The following TMEM127 variants were observed in gnomAD, a reference collection of about 807,000 sequenced individuals.
TMEM127 encodes the protein transmembrane protein 127.
TMEM127 carries 21 observed loss-of-function variants against 20.1 expected under a neutral mutation model. The observed-to-expected ratio is 1.04, with a 90% CI of 0.74 to 1.50. TMEM127 has a LOEUF of 1.50. Ranked by LOEUF, TMEM127 falls within the 40% of genes most tolerant of loss-of-function variation. TMEM127 has a pLI of 0.00. For synonymous variants in TMEM127, 150 were observed against 144.7 expected (o/e 1.04, Z -0.26); for missense variants, 303 against 317.4 (o/e 0.95, Z 0.34).
In TMEM127 at chr2:96,252,340, AG is replaced by A. The variant is rs1684110902; in HGVS notation, c.*1467del. On this transcript the variant is annotated 3_prime_UTR_variant, in exon 4 of 4. Coordinates refer to ENST00000258439, the MANE Select transcript of TMEM127 (RefSeq NM_017849.4). The surrounding 1 kb of genome is among the most constrained non-coding windows in gnomAD (Gnocchi z 4.2). ...GAATCCATTTCCTTTTCAGCTCAGC[AG>A]GGGACACTGATTCCCAAGAAGCAAG... 8.6e-6 allele frequency: 2 copies of A among 233,296 alleles called. No individual in the cohort carries two copies. The allele number at this position is 233,296 out of a possible 1,614,324, so 14.5% of individuals were successfully genotyped here. A position where few individuals can be genotyped will look rare whatever the true frequency, so the allele number is the denominator to read the frequency against.
intron 3 of TMEM127, 45 bp downstream of exon 3, chr2:96,254,788 C>T (rs140817879): frequency 1.2e-6 from 2 of 1,611,668 alleles, no homozygotes; most frequent in South Asian, 1.1e-5. Flanking sequence ...GATGCCCCCA[C>T]CCTGTAGCAG....
chr2:96,263,523 C>T (rs1684353547), intron 2 of TMEM127, among the ~76,000 whole-genome samples: 1 of 152,164 alleles, frequency 6.6e-6, no homozygotes, highest in Non-Finnish European at 1.5e-5. Context: ...CCACCACGCC[C>T]GGCTCAAAAA....
chr2:96,256,269 C>CAAA (rs149704966), intron 2 of TMEM127, among the ~76,000 whole-genome samples: 1 of 92,346 alleles, frequency 1.1e-5, no homozygotes, highest in Admixed American at 1.2e-4. Flanking sequence ...GACTCTGTCT[C>CAAA]AAAAAAAAAA....
chr2:96,256,940 C>G (rs959471305), intron 2 of TMEM127, among the ~76,000 whole-genome samples: 1 of 152,268 alleles, frequency 6.6e-6, no homozygotes. Flanking sequence ...AGCTAGGAAG[C>G]CACCACATTT....
Position 96,265,586 on chromosome 2 carries a change from C to T in TMEM127, c.-131-74G>A, listed in dbSNP as rs1265257374. 5 of 557,188 alleles carry T rather than the reference C, an allele frequency of 9.0e-6. No individual in the cohort carries two copies. In the East Asian group the frequency reaches 1.2e-4, roughly 13 times the overall value. 34.5% of individuals were successfully genotyped at this position (557,188 alleles called of 1,614,324 possible). Reference sequence around the variant, plus strand: ...GGAGACGGGGAGGGCTGCGGGAATTCGGGGGGCGGAGACAGGAGACTCCGG... The same window carrying T: ...GGAGACGGGGAGGGCTGCGGGAATTTGGGGGGCGGAGACAGGAGACTCCGG... On this transcript the variant is annotated intron_variant, in intron 1 of 3. Transcript: ENST00000258439.
At chr2:96,255,110 C>T (rs1684178346) in intron 2 of TMEM127, 113 bp from the exon 3 acceptor site, 1 of 1,433,598 alleles carries the variant, frequency 7.0e-7, no homozygotes, top group Non-Finnish European at 9.6e-7. Flanking sequence ...CAGGGCAGTT[C>T]TGGAGGACGC....
chr2:96,265,869 C>T lies in TMEM127; in HGVS notation c.-132G>A, dbSNP rs955034496. 4 of 171,416 alleles carry T rather than the reference C, an allele frequency of 2.3e-5. No homozygotes were observed. Among genetic ancestry groups the T allele is most frequent in the Non-Finnish European group, 4.9e-5 (4 of 80,856 alleles). The allele number at this position is 171,416 out of a possible 1,614,324, so 10.6% of individuals were successfully genotyped here. On this transcript the variant is annotated splice_region_variant and 5_prime_UTR_variant, in exon 1 of 4. Transcript: ENST00000258439. The stretch of plus-strand genomic sequence containing the variant: ...CCCCACGCCGCCCACTGTTCCTCAC[C>T]AGTCAGCAGGCCCCAGGGCTGGGAT...
chr2:96,261,437 C>T (rs1477428930), intron 2 of TMEM127, among the ~76,000 whole-genome samples: 1 of 152,166 alleles, frequency 6.6e-6, no homozygotes, highest in East Asian at 1.9e-4. Context: ...GAGTGAACCA[C>T]CACACCCAGC....
At chr2:96,255,736 G>A (rs946270991) in intron 2 of TMEM127, among the ~76,000 whole-genome samples, 5 of 152,242 alleles carry the variant, frequency 3.3e-5, no homozygotes, top group African/African-American at 1.2e-4. Flanking sequence ...TTAATACTTT[G>A]GGTGGCTGAG....
rs894673696 is a variant in TMEM127 at position 96,249,055 on chromosome 2, C to T, written c.*4753G>A. On this transcript the variant is annotated 3_prime_UTR_variant, in exon 4 of 4. Coordinates refer to ENST00000258439, the MANE Select transcript of TMEM127 (RefSeq NM_017849.4). ...CAGCAAAAAAGCCAAGAATTTTCCC[C>T]AAAGCTTATGGTGAGGAACCTGTGT... 6 of 233,826 alleles carry T rather than the reference C, an allele frequency of 2.6e-5. No homozygotes were observed. Among genetic ancestry groups the T allele is most frequent in the African/African-American group, 1.3e-4 (6 of 45,266 alleles). 14.5% of individuals were successfully genotyped at this position (233,826 alleles called of 1,614,324 possible).
At chr2:96,263,048 C>CTT (rs1402826560) in intron 2 of TMEM127, among the ~76,000 whole-genome samples, 6 of 136,714 alleles carry the variant, frequency 4.4e-5, no homozygotes, top group South Asian at 2.3e-4. Flanking sequence ...CAAGAATTTA[C>CTT]TTTTTTTTTT....
intron 2 of TMEM127, among the ~76,000 whole-genome samples, chr2:96,260,172 G>A (rs1357951257): frequency 2.0e-5 from 3 of 152,238 alleles, no homozygotes; most frequent in Admixed American, 2.0e-4. Context: ...CCTGCCCCAT[G>A]TAACAGGTGG....
chr2:96,248,782 CCA>C lies in TMEM127; in HGVS notation c.*5024_*5025del. ...CCTGCAGGCCCTGCACCTTCAGGCC[CCA>C]TTCTCAGACACCTGTACAACCCCTT... On this transcript the variant is annotated 3_prime_UTR_variant, in exon 4 of 4. Coordinates refer to ENST00000258439, the MANE Select transcript of TMEM127 (RefSeq NM_017849.4). The C allele has an allele frequency of 4.3e-6, 1 of 231,702 alleles. No individual in the cohort carries two copies. The highest frequency in any genetic ancestry group is 2.2e-5 in the African/African-American group (1 of 45,354). 14.4% of individuals were successfully genotyped at this position (231,702 alleles called of 1,614,324 possible). A position where few individuals can be genotyped will look rare whatever the true frequency, so the allele number is the denominator to read the frequency against.
In TMEM127 at chr2:96,254,082, T is replaced by A. The variant is rs1684152230; in HGVS notation, c.443A>T (p.Tyr148Phe). 2 of 1,614,022 alleles carry A rather than the reference T, an allele frequency of 1.2e-6. No homozygotes were observed. The highest frequency in any genetic ancestry group is 2.7e-5 in the African/African-American group (2 of 74,994). The change falls in exon 4 of 4, where the codon TAT (tyrosine) becomes TTT (phenylalanine). Residue 148 changes from tyrosine (Y) to phenylalanine (F), a missense_variant. Transcript: ENST00000258439. ...LQCATVIGFSYWASELILAQQ... is the reference protein window; with the variant it reads ...LQCATVIGFSFWASELILAQQ... ...GGCCAAGATGAGTTCAGAAGCCCAA[T>A]AAGAAAAGCCAATGACGGTGGCACA...
At position 96,253,358 on chromosome 2, in the gene TMEM127, C is replaced by T. The variant is rs1183724276; in HGVS notation, c.*450G>A. On this transcript the variant is annotated 3_prime_UTR_variant, in exon 4 of 4. Transcript: ENST00000258439. This position sits in a 1 kb window ranked among gnomAD's most constrained non-coding sequence, Gnocchi z 4.3. ...TCCGAGAAGGAAGGGGTCTGGGGGG[C>T]GTCAGCCCAGAGCTACAGCTGTGGA... 2 of 246,420 alleles carry T rather than the reference C, an allele frequency of 8.1e-6. No individual in the cohort carries two copies. The highest frequency in any genetic ancestry group is 4.4e-5 in the African/African-American group (2 of 45,544). 15.3% of individuals were successfully genotyped at this position (246,420 alleles called of 1,614,324 possible). A position where few individuals can be genotyped will look rare whatever the true frequency, so the allele number is the denominator to read the frequency against.
In TMEM127 at chr2:96,252,895, T is replaced by G; in HGVS notation, c.*913A>C. ...CCAGGGAAGGGAGGCTGCATTCTAC[T>G]GGGAGAGACTCGGGGAGGGACTACC... On this transcript the variant is annotated 3_prime_UTR_variant, in exon 4 of 4. Transcript: ENST00000258439. The surrounding 1 kb of genome is among the most constrained non-coding windows in gnomAD (Gnocchi z 4.2). 1 of 233,558 alleles carries G rather than the reference T, an allele frequency of 4.3e-6. No homozygotes were observed. 14.5% of individuals were successfully genotyped at this position (233,558 alleles called of 1,614,324 possible). A position where few individuals can be genotyped will look rare whatever the true frequency, so the allele number is the denominator to read the frequency against.
rs1194501852 is a variant in TMEM127, at chr2:96,248,971, C to T, written c.*4837G>A. 4.3e-6 allele frequency: 1 copy of T among 233,032 alleles called. No individual in the cohort carries two copies. The highest frequency in any genetic ancestry group is 8.5e-6 in the Non-Finnish European group (1 of 117,922). The allele number at this position is 233,032 out of a possible 1,614,324, so 14.4% of individuals were successfully genotyped here. On this transcript the variant is annotated 3_prime_UTR_variant, in exon 4 of 4. Transcript: ENST00000258439. ...ACTCAGCTGAAGGGGCTGGCCAGTCCCGCATAAACCCTCCAGCTCTGAGAT... is the reference window on the plus strand; with the variant it reads ...ACTCAGCTGAAGGGGCTGGCCAGTCTCGCATAAACCCTCCAGCTCTGAGAT...
chr2:96,259,142 C>T (rs1328542616), intron 2 of TMEM127, among the ~76,000 whole-genome samples: 1 of 152,258 alleles, frequency 6.6e-6, no homozygotes, highest in Admixed American at 6.5e-5. Flanking sequence ...TGTCCACCTG[C>T]TCCTCTCCAA....
rs759138897 is a variant in TMEM127, at chr2:96,254,835, G to C, written c.407C>G (p.Thr136Arg). ...TRRYAFAHIL[T>R]VLQCATVIGF... ...CTGTGAGCAGGCTCACGGCTTACCC[G>C]TTAGGATATGGGCGAAGGCATAGCG... The change falls in exon 3 of 4, where the codon ACG becomes AGG. Residue 136 changes from threonine (T) to arginine (R), a missense_variant and splice_region_variant. Coordinates refer to ENST00000258439, the MANE Select transcript of TMEM127 (RefSeq NM_017849.4). The C allele has an allele frequency of 6.2e-7, 1 of 1,614,076 alleles. No homozygotes were observed. The highest frequency in any genetic ancestry group is 1.1e-5 in the South Asian group (1 of 91,074).
Sources: gnomAD v4.1 joint callset for allele counts (sites outside exome capture counted in the v4.1 genomes callset) on GRCh38, gnomAD v4.1.1 for gene constraint, Gnocchi (gnomAD v3.1) non-coding constraint, MANE v1.5 for transcripts, NCBI Gene and HGNC (gene_info 2026-07-23, HGNC 2026-07-21) for gene names.